The following FAM13A variants were observed in gnomAD, a reference collection of about 807,000 sequenced individuals.
FAM13A encodes the protein family with sequence similarity 13 member A, also known as protein FAM13A.
FAM13A carries 76 observed loss-of-function variants against 129.6 expected under a neutral mutation model. That is an observed-to-expected ratio of 0.59 (90% confidence interval 0.49 to 0.71). The LOEUF is 0.71. Among genes scored for constraint, FAM13A ranks in the 30% least tolerant of loss-of-function variants. The probability of loss-of-function intolerance (pLI) is 0.00; values close to 1 mark genes in which losing one functional copy is unlikely to be tolerated. For missense variants in FAM13A, 1,108 were observed against 1,249.3 expected, an observed-to-expected ratio of 0.89 and a Z score of 1.70; for synonymous variants, 443 against 449.9, an observed-to-expected ratio of 0.98 and a Z score of 0.20.
chr4:88,818,281 A>G (rs143521741), intron 7 of FAM13A, among the ~76,000 whole-genome samples: 115 of 152,138 alleles, frequency 7.6e-4, no homozygotes, highest in African/African-American at 2.6e-3. Context: ...GGGATTACAG[A>G]CATGAACCAC....
At chr4:88,836,300 T>C (rs578217522) in intron 7 of FAM13A, among the ~76,000 whole-genome samples, 1 of 152,346 alleles carries the variant, frequency 6.6e-6, no homozygotes, top group African/African-American at 2.4e-5. Context: ...TATTTTTCAT[T>C]TAGTAGTCAG....
intron 5 of FAM13A, among the ~76,000 whole-genome samples, chr4:88,921,342 C>A (rs1751047854): frequency 2.0e-5 from 3 of 152,212 alleles, no homozygotes; most frequent in Non-Finnish European, 4.4e-5. Context: ...ATCAGACTAA[C>A]AGCGGATCTC....
chr4:88,737,923 A>G, intron 20 of FAM13A, among the ~76,000 whole-genome samples: 1 of 152,226 alleles, frequency 6.6e-6, no homozygotes, highest in Non-Finnish European at 1.5e-5. Context: ...ACATAAGCTC[A>G]GAAAGCAATA....
intron 4 of FAM13A, among the ~76,000 whole-genome samples, chr4:88,987,219 T>G (rs910539429): frequency 1.5e-5 from 2 of 136,426 alleles, no homozygotes; most frequent in African/African-American, 5.1e-5. Context: ...AGAATATCAC[T>G]AAAAGAAAAA....
chr4:88,820,208 T>G (rs1731617881), intron 7 of FAM13A, among the ~76,000 whole-genome samples: 1 of 152,204 alleles, frequency 6.6e-6, no homozygotes, highest in South Asian at 2.1e-4. Context: ...GGTACAAACA[T>G]GCCCCTAATA....
At chr4:89,031,724 A>T (rs1353260667) in intron 1 of FAM13A, among the ~76,000 whole-genome samples, 6 of 152,344 alleles carry the variant, frequency 3.9e-5, no homozygotes, top group Non-Finnish European at 8.8e-5. Context: ...TTAAAAGGGA[A>T]ACATGGTTGA....
At chr4:89,014,801 T>C (rs1289813277) in intron 3 of FAM13A, among the ~76,000 whole-genome samples, 1 of 152,164 alleles carries the variant, frequency 6.6e-6, no homozygotes, top group Non-Finnish European at 1.5e-5. Context: ...GATGACTGCG[T>C]TAACCGCACA....
At chr4:88,898,250 T>C (rs566459341) in intron 6 of FAM13A, among the ~76,000 whole-genome samples, 48 of 152,292 alleles carry the variant, frequency 3.2e-4, no homozygotes, top group African/African-American at 1.1e-3. Context: ...AAATGTTACC[T>C]AAAAATGTTC....
chr4:88,857,459 C>G (rs2150015681), intron 6 of FAM13A, among the ~76,000 whole-genome samples: 1 of 151,804 alleles, frequency 6.6e-6, no homozygotes, highest in Admixed American at 6.6e-5. Context: ...GAAACCCTGT[C>G]AGTACTAAAA....
chr4:88,932,716 A>T (rs1437054377), intron 5 of FAM13A, among the ~76,000 whole-genome samples: 1 of 152,144 alleles, frequency 6.6e-6, no homozygotes, highest in Non-Finnish European at 1.5e-5. Context: ...ACAATATTAA[A>T]TTTTTTGACC....
chr4:88,816,556 C>CTATA (rs1328888256), intron 7 of FAM13A, among the ~76,000 whole-genome samples: 2 of 152,112 alleles, frequency 1.3e-5, no homozygotes, highest in African/African-American at 4.8e-5. Flanking sequence ...CAGTAAGTGT[C>CTATA]TATATATTAG....
chr4:88,848,964 T>G (rs962028991), intron 7 of FAM13A, among the ~76,000 whole-genome samples: 3 of 152,234 alleles, frequency 2.0e-5, no homozygotes, highest in Non-Finnish European at 4.4e-5. Context: ...TGTTGCTTTT[T>G]CTTCCAGGGG....
At chr4:88,772,329 C>A (rs1313136382) in intron 11 of FAM13A, among the ~76,000 whole-genome samples, 2 of 152,158 alleles carry the variant, frequency 1.3e-5, no homozygotes, top group Non-Finnish European at 2.9e-5. Context: ...TAAGCGCATT[C>A]ATATTCAAAA....
chr4:88,726,638 T>C lies in FAM13A; in HGVS notation c.*1895A>G. 1 of 132,602 alleles carries C rather than the reference T, an allele frequency of 7.5e-6. No individual in the cohort carries two copies. The highest frequency in any genetic ancestry group is 3.1e-5 in the African/African-American group (1 of 32,646). 8.2% of individuals were successfully genotyped at this position (132,602 alleles called of 1,614,324 possible). ...ATTAAAGGACAGACTAGACATGTAT[T>C]TTTAAAAAAACACAATTTTTGGTCA... On this transcript the variant is annotated 3_prime_UTR_variant, in exon 24 of 24. Coordinates refer to ENST00000264344, the MANE Select transcript of FAM13A (RefSeq NM_014883.4).
intron 1 of FAM13A, among the ~76,000 whole-genome samples, chr4:89,030,627 A>G (rs2149132009): frequency 6.6e-6 from 1 of 152,284 alleles, no homozygotes; most frequent in South Asian, 2.1e-4. Flanking sequence ...CTAAGAGTAG[A>G]AACATTACAT....
chr4:88,928,126 T>C (rs189405690), intron 5 of FAM13A, among the ~76,000 whole-genome samples: 1 of 152,162 alleles, frequency 6.6e-6, no homozygotes, highest in Non-Finnish European at 1.5e-5. Context: ...TTAATTTCCA[T>C]GTGTCTGTAT....
chr4:89,018,143 G>A (rs1766761615), intron 3 of FAM13A, among the ~76,000 whole-genome samples: 1 of 152,124 alleles, frequency 6.6e-6, no homozygotes, highest in Non-Finnish European at 1.5e-5. Flanking sequence ...TTCATATGTT[G>A]AAGCTCTAAC....
At chr4:88,765,620 G>A (rs1745589251) in intron 13 of FAM13A, among the ~76,000 whole-genome samples, 1 of 152,116 alleles carries the variant, frequency 6.6e-6, no homozygotes, top group Non-Finnish European at 1.5e-5. Context: ...TTACAAAATG[G>A]AAAACAGTTC....
At chr4:88,752,610 C>T (rs748388096) in intron 14 of FAM13A, among the ~76,000 whole-genome samples, 5 of 152,124 alleles carry the variant, frequency 3.3e-5, no homozygotes, top group East Asian at 1.9e-4. Context: ...AAGCTGGACA[C>T]GAACAGGAGG....
Sources: gnomAD v4.1 joint callset for allele counts (sites outside exome capture counted in the v4.1 genomes callset) on GRCh38, gnomAD v4.1.1 for gene constraint, MANE v1.5 for transcripts, NCBI Gene and HGNC (gene_info 2026-07-23, HGNC 2026-07-21) for gene names.